LRRIQ1: variants seen among roughly 807,000 people sequenced by gnomAD.
LRRIQ1 encodes the protein leucine rich repeats and IQ motif containing 1.
Under a neutral mutation model 211.9 loss-of-function variants are expected in LRRIQ1, and 210 were observed. The ratio of observed to expected loss-of-function variants is 0.99; its 90% CI spans 0.89 to 1.11. The LOEUF is 1.11. LRRIQ1 is among the 50% of genes most tolerant of loss of function. The pLI is 0.00. For synonymous variants in LRRIQ1, 699 were observed against 650.1 expected, an observed-to-expected ratio of 1.08 and a Z score of -1.14; for missense variants, 2,136 against 1,939.5, an observed-to-expected ratio of 1.10 and a Z score of -1.90.
chr12:85,236,790 G>A (rs1384392496), intron 26 of LRRIQ1, among the ~76,000 whole-genome samples: 4 of 130,994 alleles, frequency 3.1e-5, no homozygotes, highest in African/African-American at 1.3e-4. Context: ...GTATCTTTTT[G>A]ATGTATATAT....
At chr12:85,250,414 A>G (rs1895872778) in intron 1 of LRRIQ1, among the ~76,000 whole-genome samples, 2 of 151,800 alleles carry the variant, frequency 1.3e-5, no homozygotes, top group African/African-American at 2.4e-5. Flanking sequence ...GACCTAGCCT[A>G]TATGAAGCCA....
chr12:85,050,832 A>G (rs1325120335), intron 6 of LRRIQ1, among the ~76,000 whole-genome samples: 1 of 152,198 alleles, frequency 6.6e-6, no homozygotes, highest in Non-Finnish European at 1.5e-5. Flanking sequence ...ATGATCAAAG[A>G]ACTTTTCCCA....
At chr12:85,179,145 G>A (rs1891861184) in intron 24 of LRRIQ1, among the ~76,000 whole-genome samples, 1 of 151,778 alleles carries the variant, frequency 6.6e-6, no homozygotes, top group Non-Finnish European at 1.5e-5. Flanking sequence ...ATTCTAATCA[G>A]AATCTGTTTG....
intron 3 of LRRIQ1, among the ~76,000 whole-genome samples, chr12:85,042,181 A>C (rs1878963258): frequency 6.6e-6 from 1 of 151,818 alleles, no homozygotes; most frequent in Non-Finnish European, 1.5e-5. Context: ...ATGAACTGAG[A>C]TACAACTACA....
At chr12:85,136,344 A>G (rs1456608254) in intron 18 of LRRIQ1, among the ~76,000 whole-genome samples, 2 of 151,998 alleles carry the variant, frequency 1.3e-5, no homozygotes, top group Non-Finnish European at 2.9e-5. Context: ...TTTAGTGGAA[A>G]AAGGGAACGC....
chr12:85,272,563 A>T, the LRRIQ1 span, among the ~76,000 whole-genome samples: 2 of 152,334 alleles, frequency 1.3e-5, no homozygotes, highest in East Asian at 3.9e-4. Context: ...AAGAAATGGA[A>T]ATAAATGTAT....
rs761829087 is a variant in LRRIQ1, at chr12:85,057,217, T to C, written c.2391+33T>C. 4 of 1,294,650 alleles carry C rather than the reference T, an allele frequency of 3.1e-6. No individual in the cohort carries two copies. The South Asian group carries it at 7.3e-5, about 24-fold the overall frequency. The allele number at this position is 1,294,650 out of a possible 1,614,324, so 80.2% of individuals were successfully genotyped here. A position where few individuals can be genotyped will look rare whatever the true frequency, so the allele number is the denominator to read the frequency against. ...TAATTTTATAATAATTTTTCACATT[T>C]AATTACAATTAGCTCTTTAAAGTAT... On this transcript the variant is annotated intron_variant, in intron 8 of 26. Coordinates refer to ENST00000393217, the MANE Select transcript of LRRIQ1 (RefSeq NM_001079910.2).
chr12:85,175,443 A>C (rs549695073), intron 24 of LRRIQ1, among the ~76,000 whole-genome samples: 1 of 152,304 alleles, frequency 6.6e-6, no homozygotes, highest in South Asian at 2.1e-4. Flanking sequence ...TTCGGGCAGA[A>C]GAAAAAGACT....
chr12:85,080,076 C>T (rs188266960), intron 11 of LRRIQ1, among the ~76,000 whole-genome samples: 2 of 152,144 alleles, frequency 1.3e-5, no homozygotes, highest in Non-Finnish European at 2.9e-5. Context: ...CGCGCACACA[C>T]GTACCCACAA....
chr12:85,120,724 A>G (rs207473206), intron 15 of LRRIQ1, among the ~76,000 whole-genome samples: 2 of 151,872 alleles, frequency 1.3e-5, no homozygotes, highest in African/African-American at 4.9e-5. Context: ...TTAGAGTTGT[A>G]TAGTTTCCCC....
chr12:85,077,332 CACTTG>C (rs1170359197), intron 11 of LRRIQ1, among the ~76,000 whole-genome samples: 4 of 152,180 alleles, frequency 2.6e-5, no homozygotes, highest in African/African-American at 7.2e-5. Flanking sequence ...AGAGTAAACA[CACTTG>C]ACTTAAGTTT....
At chr12:85,153,206 A>G in intron 21 of LRRIQ1, 61 bp downstream of exon 21, 1 of 1,391,842 alleles carries the variant, frequency 7.2e-7, no homozygotes. Flanking sequence ...TACATATCAT[A>G]CAAAAGTAGT....
At chr12:85,062,391 A>C (rs949674939) in intron 8 of LRRIQ1, among the ~76,000 whole-genome samples, 12 of 151,410 alleles carry the variant, frequency 7.9e-5, no homozygotes, top group African/African-American at 2.9e-4. Flanking sequence ...TGTTGTTCCT[A>C]TTTTTATGTC....
intron 1 of LRRIQ1, among the ~76,000 whole-genome samples, chr12:85,261,769 A>ATTTATTTG (rs1896297990): frequency 1.5e-5 from 2 of 137,420 alleles, no homozygotes; most frequent in Admixed American, 6.9e-5. Flanking sequence ...TGTTTATTTT[A>ATTTATTTG]TTTATTTATT....
intron 19 of LRRIQ1, among the ~76,000 whole-genome samples, chr12:85,143,954 C>T (rs115437878): frequency 0.015 from 2,228 of 151,574 alleles, 51 homozygotes; most frequent in African/African-American, 0.049. Flanking sequence ...ACATGTGCAG[C>T]TTTGCTATAT....
chr12:85,134,679 G>A (rs1018995492), intron 18 of LRRIQ1, among the ~76,000 whole-genome samples: 1 of 152,006 alleles, frequency 6.6e-6, no homozygotes, highest in African/African-American at 2.4e-5. Context: ...GTAAGATCAC[G>A]TGAAGCTTGA....
Position 85,098,888 on chromosome 12 carries a change from G to A in LRRIQ1, c.3103G>A (p.Val1035Ile), listed in dbSNP as rs768666163. Residue 1035 changes from valine (V) to isoleucine (I), a missense_variant, in exon 13 of 27, where the codon GTT becomes ATT. Transcript: ENST00000393217. ...ATAGCTTCCATCCTTGGAGAATCTT[G>A]TTTTACTAAGAGAATTGCACTTGGA... The part of the protein sequence containing the change: ...LSELPSLENL[V>I]LLRELHLDDN... The A allele has an allele frequency of 1.7e-5, 26 of 1,556,198 alleles. No individual in the cohort carries two copies. The highest frequency in any genetic ancestry group is 2.1e-5 in the Non-Finnish European group (24 of 1,150,578).
At chr12:85,046,547 T>A (rs978379042) in intron 5 of LRRIQ1, among the ~76,000 whole-genome samples, 1 of 152,236 alleles carries the variant, frequency 6.6e-6, no homozygotes. Flanking sequence ...ATTTTATTGT[T>A]GCATATTCTC....
chr12:85,065,487 T>C, intron 9 of LRRIQ1, 73 bp downstream of exon 9: 5 of 1,223,870 alleles, frequency 4.1e-6, no homozygotes, highest in Non-Finnish European at 5.4e-6. Flanking sequence ...ATTTCAGAAA[T>C]GACCCTTTTG....
Sources: allele counts gnomAD v4.1 joint callset (sites outside exome capture counted in the v4.1 genomes callset), GRCh38; gene constraint gnomAD v4.1.1; transcripts MANE v1.5; gene names NCBI Gene and HGNC (gene_info 2026-07-23, HGNC 2026-07-21).